The following GRIN3A variants were observed in gnomAD, a reference collection of about 807,000 sequenced individuals.
GRIN3A encodes the protein glutamate receptor ionotropic, NMDA 3A.
Under a neutral mutation model 92.4 loss-of-function variants are expected in GRIN3A, and 47 were observed. The observed-to-expected ratio is 0.51, with a 90% CI of 0.40 to 0.65. The LOEUF is 0.65. Ranked by LOEUF, GRIN3A falls within the 30% of genes least tolerant of loss-of-function variation. GRIN3A has a pLI of 0.00. For missense variants in GRIN3A, 1,324 were observed against 1,393.1 expected, an observed-to-expected ratio of 0.95 and a Z score of 0.79; for synonymous variants, 527 against 540.6, an observed-to-expected ratio of 0.97 and a Z score of 0.35.
At chr9:101,691,209 G>A (rs900472100) in intron 1 of GRIN3A, among the ~76,000 whole-genome samples, 4 of 152,060 alleles carry the variant, frequency 2.6e-5, no homozygotes, top group African/African-American at 9.7e-5. Context: ...ATTCAATCAT[G>A]AAAAATAATT....
In GRIN3A at chr9:101,569,742, G is replaced by A. The variant is rs1827734272; in HGVS notation, c.*3432C>T. On this transcript the variant is annotated 3_prime_UTR_variant, in exon 9 of 9. Transcript: ENST00000361820. ...CCTAGAAAGCAATTTCTGAAGAACT[G>A]GATGGGTTTTCTGTTTTTCCTATCA... The A allele has an allele frequency of 6.6e-6, 1 of 152,166 alleles. No individual in the cohort carries two copies. 9.4% of individuals were successfully genotyped at this position (152,166 alleles called of 1,614,324 possible).
At chr9:101,720,944 T>A (rs1372985075) in intron 1 of GRIN3A, among the ~76,000 whole-genome samples, 1 of 152,206 alleles carries the variant, frequency 6.6e-6, no homozygotes, top group Non-Finnish European at 1.5e-5. Flanking sequence ...CAGACTCCTG[T>A]GACACAAGTT....
intron 3 of GRIN3A, among the ~76,000 whole-genome samples, chr9:101,661,980 G>A (rs181466811): frequency 1.6e-4 from 25 of 151,516 alleles, no homozygotes; most frequent in East Asian, 7.8e-4. Flanking sequence ...ATTAATTGTC[G>A]CATTTATTTA....
intron 1 of GRIN3A, among the ~76,000 whole-genome samples, chr9:101,728,897 G>C (rs1435368531): frequency 6.6e-6 from 1 of 152,102 alleles, no homozygotes; most frequent in African/African-American, 2.4e-5. Flanking sequence ...TGAAAGCCCT[G>C]GCCTATAGCA....
chr9:101,648,100 TG>T (rs1828963752), intron 3 of GRIN3A, among the ~76,000 whole-genome samples: 1 of 151,984 alleles, frequency 6.6e-6, no homozygotes, highest in Admixed American at 6.6e-5. Context: ...GTGTGTTTAT[TG>T]CTGTAAACTT....
At chr9:101,636,105 A>T (rs1231465221) in intron 3 of GRIN3A, among the ~76,000 whole-genome samples, 2 of 151,684 alleles carry the variant, frequency 1.3e-5, no homozygotes, top group African/African-American at 2.4e-5. Context: ...CTGGTCTTGA[A>T]CTCCTGACCT....
intron 5 of GRIN3A, among the ~76,000 whole-genome samples, chr9:101,622,084 G>T (rs1466153481): frequency 6.6e-6 from 1 of 152,188 alleles, no homozygotes; most frequent in East Asian, 1.9e-4. Flanking sequence ...TCAGGTGGGG[G>T]TGACTTTGCC....
Position 101,579,246 on chromosome 9 carries a change from G to T in GRIN3A, c.2881C>A (p.Pro961Thr). 6.2e-7 allele frequency: 1 copy of T among 1,613,990 alleles called. No homozygotes were observed. Among genetic ancestry groups the T allele is most frequent in the Non-Finnish European group, 8.5e-7 (1 of 1,179,930 alleles). The change falls in exon 7 of 9, where the codon CCA becomes ACA. Residue 961 changes from proline (P) to threonine (T), a missense_variant. Transcript: ENST00000361820. ...GEHIVYRLLL[P>T]RIKNKSKLQY... is the part of the protein sequence containing the mutation. ...AGCTTGGATTTGTTTTTGATTCGTG[G>T]TAGCAGCAGCCTGTATACTATGTGC...
At chr9:101,637,481 T>C (rs1828801098) in intron 3 of GRIN3A, among the ~76,000 whole-genome samples, 1 of 152,184 alleles carries the variant, frequency 6.6e-6, no homozygotes, top group Non-Finnish European at 1.5e-5. Context: ...GAGAAAACAA[T>C]GGTTAACTGG....
At chr9:101,642,850 G>T (rs1190278829) in intron 3 of GRIN3A, among the ~76,000 whole-genome samples, 3 of 152,106 alleles carry the variant, frequency 2.0e-5, no homozygotes, top group Admixed American at 6.6e-5. Flanking sequence ...TCTGTTATGA[G>T]AATCTAATGC....
intron 3 of GRIN3A, among the ~76,000 whole-genome samples, chr9:101,645,689 A>G (rs889782137): frequency 6.8e-6 from 1 of 147,966 alleles, no homozygotes; most frequent in African/African-American, 2.5e-5. Flanking sequence ...ATATATATAG[A>G]TTATATATAT....
intron 6 of GRIN3A, among the ~76,000 whole-genome samples, chr9:101,589,476 AT>A (rs1379965883): frequency 7.2e-5 from 11 of 151,850 alleles, no homozygotes; most frequent in African/African-American, 2.7e-4. Flanking sequence ...ATAATTATTC[AT>A]TTTTCCTGTT....
rs747652478 is a variant in GRIN3A, at chr9:101,737,320, C to G, written c.660G>C (p.Val220=). 3.7e-6 allele frequency: 6 copies of G among 1,614,216 alleles called. No homozygotes were observed. In the South Asian group the frequency reaches 6.6e-5, roughly 18 times the overall value. ...GAAACTCGTGGCGCACGATGCTGAT[C>G]ACTGGAATGTGCAGGACTAAGCTGA... ...DLVSLVLHIP[V]ISIVRHEFPR... The change falls in exon 1 of 9, where the codon GTG becomes GTC. Residue 220 remains valine (V), a synonymous_variant. Transcript: ENST00000361820.
intron 2 of GRIN3A, among the ~76,000 whole-genome samples, chr9:101,677,727 T>C (rs540012311): frequency 6.6e-5 from 10 of 152,258 alleles, no homozygotes; most frequent in African/African-American, 2.4e-4. Flanking sequence ...TATGATAACA[T>C]GAATTTGTCC....
rs73502933 is a variant in GRIN3A at position 101,669,097 on chromosome 9, A to T, written c.2352+963T>A. Among the ~76,000 whole-genome samples, 1,205 of 152,136 alleles carry T rather than the reference A, an allele frequency of 7.9e-3. 15 individuals are homozygous for T. Among genetic ancestry groups the T allele is most frequent in the African/African-American group, 0.028 (1,160 of 41,506 alleles). On this transcript the variant is annotated intron_variant, in intron 3 of 8. Coordinates refer to ENST00000361820, the MANE Select transcript of GRIN3A (RefSeq NM_133445.3). ...TGAATTGAACCTTTCTCCAATCTCT[A>T]CTTAATGTATCCTACATGTTGGAAT...
intron 1 of GRIN3A, among the ~76,000 whole-genome samples, chr9:101,724,713 G>T (rs1449732484): frequency 6.6e-6 from 1 of 152,214 alleles, no homozygotes; most frequent in East Asian, 1.9e-4. Context: ...GTTTATCAGG[G>T]ATTTCTGATT....
In GRIN3A at chr9:101,594,714, C is replaced by G. The variant is rs1219434998; in HGVS notation, c.2767-15354G>C. On this transcript the variant is annotated intron_variant, in intron 6 of 8. Coordinates refer to ENST00000361820, the MANE Select transcript of GRIN3A (RefSeq NM_133445.3). ...CCCAGGATGAATTCCTTGAAGTCCA[C>G]TTCTCCATCACCGTCGGTGTCGAAG... 18 of 1,614,120 alleles carry G rather than the reference C, an allele frequency of 1.1e-5. No individual in the cohort carries two copies. The Admixed American group carries it at 2.8e-4, about 25-fold the overall frequency.
chr9:101,714,882 G>A (rs1011602911), intron 1 of GRIN3A, among the ~76,000 whole-genome samples: 11 of 152,062 alleles, frequency 7.2e-5, no homozygotes, highest in African/African-American at 2.7e-4. Context: ...TCTTCAAAGG[G>A]ATAAATGTAA....
chr9:101,654,358 T>G (rs1262095478), intron 3 of GRIN3A, among the ~76,000 whole-genome samples: 1 of 147,868 alleles, frequency 6.8e-6, no homozygotes, highest in African/African-American at 2.4e-5. Context: ...TATTTTCCAT[T>G]ATATATTATA....
Sources: gnomAD v4.1 joint callset for allele counts (sites outside exome capture counted in the v4.1 genomes callset) on GRCh38, gnomAD v4.1.1 for gene constraint, MANE v1.5 for transcripts, NCBI Gene and HGNC (gene_info 2026-07-23, HGNC 2026-07-21) for gene names.